SAMD4A: variants seen among roughly 807,000 people sequenced by gnomAD.
SAMD4A encodes sterile alpha motif domain containing 4A, also known as protein Smaug homolog 1.
In SAMD4A, 33 loss-of-function variants were observed where a neutral mutation model predicts 81.3. The ratio of observed to expected loss-of-function variants is 0.41; its 90% CI spans 0.31 to 0.54. SAMD4A has a LOEUF of 0.54. Among genes scored for constraint, SAMD4A ranks in the 20% least tolerant of loss-of-function variants. The probability of loss-of-function intolerance (pLI) is 0.37; values close to 1 mark genes in which losing one functional copy is unlikely to be tolerated. For synonymous variants in SAMD4A, 389 were observed against 382.1 expected (o/e 1.02, Z -0.21); for missense variants, 854 against 951.1 (o/e 0.90, Z 1.34).
At chr14:54,595,078 CCT>C (rs2033877142) in intron 2 of SAMD4A, among the ~76,000 whole-genome samples, 2 of 152,124 alleles carry the variant, frequency 1.3e-5, no homozygotes, top group African/African-American at 4.8e-5. Context: ...AAAACTTGCC[CCT>C]GTCGTTCTTT....
chr14:54,705,326 T>A (rs1233211069), intron 3 of SAMD4A, among the ~76,000 whole-genome samples: 3 of 152,202 alleles, frequency 2.0e-5, no homozygotes, highest in Admixed American at 1.3e-4. Flanking sequence ...ATGCGCAGTA[T>A]TCTAAGGGGC....
At chr14:54,659,273 A>C (rs1272366303) in intron 2 of SAMD4A, among the ~76,000 whole-genome samples, 1 of 152,080 alleles carries the variant, frequency 6.6e-6, no homozygotes, top group Non-Finnish European at 1.5e-5. Flanking sequence ...TGAGATCAAA[A>C]TCTCTATGGG....
chr14:54,784,692 C>A, intron 12 of SAMD4A, 72 bp downstream of exon 12: 1 of 1,371,084 alleles, frequency 7.3e-7, no homozygotes, highest in South Asian at 1.2e-5. Flanking sequence ...CATCTGCTGT[C>A]TATACCGTGG....
intron 3 of SAMD4A, among the ~76,000 whole-genome samples, chr14:54,718,396 G>C (rs1268132076): frequency 1.3e-5 from 2 of 152,214 alleles, no homozygotes; most frequent in East Asian, 3.9e-4. Flanking sequence ...TCCTTAACCA[G>C]GGCTTTGTGT....
chr14:54,646,978 T>C (rs1273981346), intron 2 of SAMD4A, among the ~76,000 whole-genome samples: 1 of 152,210 alleles, frequency 6.6e-6, no homozygotes, highest in Non-Finnish European at 1.5e-5. Flanking sequence ...GCAGCTTTTA[T>C]ACAAGAAACA....
chr14:54,586,160 T>C (rs2033610350), intron 2 of SAMD4A, among the ~76,000 whole-genome samples: 1 of 152,248 alleles, frequency 6.6e-6, no homozygotes. Flanking sequence ...ATTGTGGTTT[T>C]GCTTTGCACT....
chr14:54,709,088 G>A (rs1594842144), intron 3 of SAMD4A, among the ~76,000 whole-genome samples: 1 of 152,102 alleles, frequency 6.6e-6, no homozygotes, highest in Non-Finnish European at 1.5e-5. Context: ...ACCAGCCTGG[G>A]CAACGTGGTG....
At chr14:54,685,214 T>A (rs959281701) in intron 2 of SAMD4A, among the ~76,000 whole-genome samples, 2 of 152,034 alleles carry the variant, frequency 1.3e-5, no homozygotes, top group African/African-American at 4.8e-5. Flanking sequence ...TTTCTAGAAC[T>A]TTATCATCAT....
intron 2 of SAMD4A, among the ~76,000 whole-genome samples, chr14:54,601,806 A>G (rs1457327126): frequency 2.0e-5 from 3 of 152,228 alleles, no homozygotes; most frequent in Non-Finnish European, 2.9e-5. Context: ...TGACTTGGAG[A>G]GAATACTCTA....
intron 3 of SAMD4A, among the ~76,000 whole-genome samples, chr14:54,717,052 G>A (rs1259466527): frequency 6.6e-6 from 1 of 152,176 alleles, no homozygotes; most frequent in Non-Finnish European, 1.5e-5. Flanking sequence ...GCTCAAGACT[G>A]CAGCATGCTT....
chr14:54,596,359 T>C (rs1001680358), intron 2 of SAMD4A, among the ~76,000 whole-genome samples: 3 of 152,022 alleles, frequency 2.0e-5, no homozygotes, highest in African/African-American at 7.2e-5. Flanking sequence ...CCGAGGCAGG[T>C]GGATCACCTG....
At chr14:54,698,274 A>G (rs1172285626) in intron 2 of SAMD4A, among the ~76,000 whole-genome samples, 4 of 152,258 alleles carry the variant, frequency 2.6e-5, no homozygotes, top group African/African-American at 9.6e-5. Flanking sequence ...GTTTATAACT[A>G]TTACATATTT....
rs947832085 is a variant in SAMD4A, at chr14:54,790,275, G to A, written c.*1331G>A. The A allele has an allele frequency of 6.6e-6, 1 of 152,526 alleles. No homozygotes were observed. The highest frequency in any genetic ancestry group is 1.9e-4 in the East Asian group (1 of 5,188). The allele number at this position is 152,526 out of a possible 1,614,324, so 9.4% of individuals were successfully genotyped here. On this transcript the variant is annotated 3_prime_UTR_variant, in exon 13 of 13. Transcript: ENST00000554335. ...GAGAGCACATGCAGGGAGATGTTTGGCCCACACCGCACAGCCCCGCCATCT... is the reference window on the plus strand; with the variant it reads ...GAGAGCACATGCAGGGAGATGTTTGACCCACACCGCACAGCCCCGCCATCT...
intron 5 of SAMD4A, 51 bp from the exon 6 acceptor site, chr14:54,751,400 A>C (rs776596925): frequency 1.2e-5 from 15 of 1,233,714 alleles, no homozygotes; most frequent in Middle Eastern, 4.7e-4. Flanking sequence ...CTGATTCTTA[A>C]AAATATGTTT....
At chr14:54,674,994 C>T (rs1037192120) in intron 2 of SAMD4A, among the ~76,000 whole-genome samples, 9 of 152,132 alleles carry the variant, frequency 5.9e-5, no homozygotes, top group African/African-American at 2.2e-4. Context: ...TTCAAACGAT[C>T]GTCCCACCTC....
chr14:54,599,117 G>C (rs941145526), intron 2 of SAMD4A, among the ~76,000 whole-genome samples: 47 of 152,168 alleles, frequency 3.1e-4, no homozygotes, highest in African/African-American at 9.9e-4. Flanking sequence ...AGTGCACCTG[G>C]CCCTGTCCTT....
intron 11 of SAMD4A, among the ~76,000 whole-genome samples, chr14:54,783,124 T>C (rs1163994630): frequency 6.6e-6 from 1 of 150,936 alleles, no homozygotes; most frequent in Non-Finnish European, 1.5e-5. Context: ...CTTAGGATTT[T>C]GCAATTCTTT....
chr14:54,701,042 G>T (rs987634293), intron 2 of SAMD4A: 13 of 136,716 alleles, frequency 9.5e-5, no homozygotes, highest in African/African-American at 3.6e-4. Flanking sequence ...TGTCACCCAA[G>T]CCCCAGGGTA....
chr14:54,694,787 G>A, intron 2 of SAMD4A: 1 of 985,458 alleles, frequency 1.0e-6, no homozygotes, highest in Non-Finnish European at 1.2e-6. Flanking sequence ...GAGATCTCAG[G>A]ACTACTTCCC....
Sources: allele counts gnomAD v4.1 joint callset (sites outside exome capture counted in the v4.1 genomes callset), GRCh38; gene constraint gnomAD v4.1.1; transcripts MANE v1.5; gene names NCBI Gene and HGNC (gene_info 2026-07-23, HGNC 2026-07-21).